PYGM: variants seen among roughly 807,000 people sequenced by gnomAD.
PYGM encodes glycogen phosphorylase, muscle associated, also known as glycogen phosphorylase, muscle form.
In PYGM, 81 loss-of-function variants were observed where a neutral mutation model predicts 99.3. The observed-to-expected ratio is 0.82, with a 90% CI of 0.68 to 0.98. PYGM has a LOEUF of 0.98. PYGM is among the 50% of genes least tolerant of loss of function. The pLI is 0.00. For synonymous variants in PYGM, 436 were observed against 451.5 expected (o/e 0.97, Z 0.44); for missense variants, 1,030 against 1,158.1 (o/e 0.89, Z 1.61).
Position 64,750,600 on chromosome 11 carries a change from G to A in PYGM, c.1970-17C>T. Reference sequence around the variant, plus strand: ...CTGGGATCACTGTGGGGTGGCAGCAGGGGGACAAGTCAACTCAGGGAAGAC... The same window carrying A: ...CTGGGATCACTGTGGGGTGGCAGCAAGGGGACAAGTCAACTCAGGGAAGAC... On this transcript the variant is annotated splice_polypyrimidine_tract_variant and intron_variant, in intron 16 of 19. Coordinates refer to ENST00000164139, the MANE Select transcript of PYGM (RefSeq NM_005609.4). The A allele has an allele frequency of 6.2e-7, 1 of 1,613,000 alleles. No homozygotes were observed. Among genetic ancestry groups the A allele is most frequent in the Non-Finnish European group, 8.5e-7 (1 of 1,179,452 alleles).
Position 64,754,662 on chromosome 11 carries a change from G to A in PYGM, c.999+31C>T, listed in dbSNP as rs2058382099. On this transcript the variant is annotated intron_variant, in intron 8 of 19. Transcript: ENST00000164139. This position sits in a 1 kb window ranked among gnomAD's most constrained non-coding sequence, Gnocchi z 5.5. ...GGAGAGGCCTAGCACACACTGTCCG[G>A]TCACAGAGTCGCCCTCCACACGCAT... 6.2e-7 allele frequency: 1 copy of A among 1,611,098 alleles called. No homozygotes were observed. The highest frequency in any genetic ancestry group is 1.1e-5 in the South Asian group (1 of 90,754).
chr11:64,750,321 A>G, intron 17 of PYGM, 55 bp downstream of exon 17: 1 of 1,598,040 alleles, frequency 6.3e-7, no homozygotes. Flanking sequence ...TCCCAGCACC[A>G]CTCTCCAGCA....
Position 64,755,634 on chromosome 11 carries a change from C to T in PYGM, c.661-76G>A. On this transcript the variant is annotated intron_variant, in intron 5 of 19. Coordinates refer to ENST00000164139, the MANE Select transcript of PYGM (RefSeq NM_005609.4). This position sits in a 1 kb window ranked among gnomAD's most constrained non-coding sequence, Gnocchi z 4.1. Reference sequence around the variant, plus strand: ...CTCCCCTCAGGGCTGGGACTCAAGGCTTTATCCCTGCACTCTGCAGACCCA... The same window carrying T: ...CTCCCCTCAGGGCTGGGACTCAAGGTTTTATCCCTGCACTCTGCAGACCCA... 8.6e-7 allele frequency: 1 copy of T among 1,164,766 alleles called. No individual in the cohort carries two copies. The allele number at this position is 1,164,766 out of a possible 1,614,324, so 72.2% of individuals were successfully genotyped here. A position where few individuals can be genotyped will look rare whatever the true frequency, so the allele number is the denominator to read the frequency against.
chr11:64,760,022 C>T (rs763272403), upstream of PYGM: 148 of 1,415,752 alleles, frequency 1.0e-4, no homozygotes, highest in Middle Eastern at 2.1e-4. Flanking sequence ...CTGGGCAGCA[C>T]GCCCCGCCTC....
rs1423059720 is a variant in PYGM, at chr11:64,750,525, G to T, written c.2028C>A (p.Gly676=). The change falls in exon 17 of 20, where the codon GGC becomes GGA. Residue 676 remains glycine (G), a synonymous_variant. Coordinates refer to ENST00000164139, the MANE Select transcript of PYGM (RefSeq NM_005609.4). ...QISTAGTEAS[G]TGNMKFMLNG... ...TGAGCATGAACTTCATGTTGCCGGT[G>T]CCTGAGGCTTCAGTGCCCGCAGTGG... is the stretch of plus-strand genomic sequence containing the variant. 2 of 1,614,100 alleles carry T rather than the reference G, an allele frequency of 1.2e-6. No individual in the cohort carries two copies. The highest frequency in any genetic ancestry group is 1.1e-5 in the South Asian group (1 of 91,092).
intron 16 of PYGM, among the ~76,000 whole-genome samples, chr11:64,750,911 G>GACGGAGTTTTGCTT (rs2058351199): frequency 6.6e-6 from 1 of 152,090 alleles, no homozygotes; most frequent in Non-Finnish European, 1.5e-5. Context: ...TGTTTTTTGA[G>GACGGAGTTTTGCTT]ACGGAGTTTT....
rs750948324 is a variant in PYGM at position 64,752,484 on chromosome 11, G to A, written c.1539C>T (p.Ile513=). Residue 513 remains isoleucine, a synonymous_variant, in exon 13 of 20, where the codon ATC becomes ATT. Coordinates refer to ENST00000164139, the MANE Select transcript of PYGM (RefSeq NM_005609.4). ...VIAERIGEDF[I]SDLDQLRKLL... ...GTTTGCGCAGCTGGTCCAGGTCAGAGATGAAGTCCTCCCCGATGCGCTATG... is the reference window on the plus strand; with the variant it reads ...GTTTGCGCAGCTGGTCCAGGTCAGAAATGAAGTCCTCCCCGATGCGCTATG... The A allele has an allele frequency of 7.4e-6, 12 of 1,614,162 alleles. No individual in the cohort carries two copies. In the Admixed American group the frequency reaches 2.0e-4, roughly 27 times the overall value.
intron 5 of PYGM, 85 bp downstream of exon 5, chr11:64,757,694 A>G: frequency 6.3e-7 from 1 of 1,586,370 alleles, no homozygotes; most frequent in East Asian, 2.3e-5. Flanking sequence ...CAGGTGTAAA[A>G]TACACTGGGT....
In PYGM at chr11:64,751,414, A is replaced by G; in HGVS notation, c.1880T>C (p.Ile627Thr). 1 of 1,614,076 alleles carries G rather than the reference A, an allele frequency of 6.2e-7. No homozygotes were observed. Among genetic ancestry groups the G allele is most frequent in the Non-Finnish European group, 8.5e-7 (1 of 1,180,022 alleles). ...CGGGTCATGGTTGACCACATCCCCG[A>G]TGGCTGTGACGAGTCTGATGATCAT... ...AKMIIRLVTA[I>T]GDVVNHDPAV... The change falls in exon 16 of 20, where the codon ATC becomes ACC. Residue 627 changes from isoleucine to threonine, a missense_variant. Coordinates refer to ENST00000164139, the MANE Select transcript of PYGM (RefSeq NM_005609.4).
chr11:64,759,596 T>C, intron 1 of PYGM, 60 bp downstream of exon 1: 2 of 1,603,676 alleles, frequency 1.2e-6, no homozygotes, highest in African/African-American at 1.3e-5. Context: ...TAAGTCAAGA[T>C]CGCCAGCTCC....
Position 64,750,356 on chromosome 11 carries a change from G to A in PYGM, c.2177+20C>T, listed in dbSNP as rs776060595. 27 of 1,613,458 alleles carry A rather than the reference G, an allele frequency of 1.7e-5. No individual in the cohort carries two copies. The Admixed American group carries it at 3.2e-4, about 19-fold the overall frequency. ...AGCCACACCTGGGTGTCTTTTGCCC[G>A]TGAACCCTGACCCCCATACCCTCTT... On this transcript the variant is annotated intron_variant, in intron 17 of 19. Coordinates refer to ENST00000164139, the MANE Select transcript of PYGM (RefSeq NM_005609.4).
In PYGM at chr11:64,751,887, G is replaced by A. The variant is rs2058358961; in HGVS notation, c.1768+37C>T. 3.1e-6 allele frequency: 5 copies of A among 1,613,354 alleles called. No individual in the cohort carries two copies. The East Asian group carries it at 1.1e-4, about 36-fold the overall frequency. On this transcript the variant is annotated intron_variant, in intron 14 of 19. Transcript: ENST00000164139. ...TGTACTATGCCGCAGGAACACGGGGGAGCACTGAGAGACAGGGTAGAGTGG... is the reference window on the plus strand; with the variant it reads ...TGTACTATGCCGCAGGAACACGGGGAAGCACTGAGAGACAGGGTAGAGTGG...
chr11:64,758,115 G>T lies in PYGM; in HGVS notation c.528+131C>A, dbSNP rs979512924. 1.7e-5 allele frequency: 23 copies of T among 1,362,960 alleles called. No individual in the cohort carries two copies. The East Asian group carries it at 3.5e-4, about 21-fold the overall frequency. The allele number at this position is 1,362,960 out of a possible 1,614,324, so 84.4% of individuals were successfully genotyped here. ...GGGGCACCAGCTGGCTTTGGGTCGG[G>T]GGGTGGGGAGCAGCAAGGATGCTTT... On this transcript the variant is annotated intron_variant, in intron 4 of 19. Coordinates refer to ENST00000164139, the MANE Select transcript of PYGM (RefSeq NM_005609.4).
rs1478106181 is a variant in PYGM, at chr11:64,758,037, G to A, written c.529-127C>T. 3 of 1,463,594 alleles carry A rather than the reference G, an allele frequency of 2.0e-6. No individual in the cohort carries two copies. In the East Asian group the frequency reaches 7.2e-5, roughly 35 times the overall value. The allele number at this position is 1,463,594 out of a possible 1,614,324, so 90.7% of individuals were successfully genotyped here. Reference sequence around the variant, plus strand: ...ACCAAGTATAAGTCAGGAGCTCTGAGGTGGGCCCCTGGTCTGCTGGGCTAT... The same window carrying A: ...ACCAAGTATAAGTCAGGAGCTCTGAAGTGGGCCCCTGGTCTGCTGGGCTAT... On this transcript the variant is annotated intron_variant, in intron 4 of 19. Coordinates refer to ENST00000164139, the MANE Select transcript of PYGM (RefSeq NM_005609.4).
chr11:64,754,291 T>C lies in PYGM; in HGVS notation c.1054A>G (p.Arg352Gly). The C allele has an allele frequency of 6.2e-7, 1 of 1,613,542 alleles. No individual in the cohort carries two copies. Among genetic ancestry groups the C allele is most frequent in the Non-Finnish European group, 8.5e-7 (1 of 1,179,768 alleles). Reference protein sequence around the residue: ...HPSLAIPELMRILVDLERMDW... With the variant: ...HPSLAIPELMGILVDLERMDW... ...ATCCGTTCCAGGTCCACCAGGATCC[T>C]CATCAGCTCGGGGATGGCCAGGGAG... The change falls in exon 9 of 20, where the codon AGG becomes GGG. Residue 352 changes from arginine (R) to glycine (G), a missense_variant. Transcript: ENST00000164139. This position sits in a 1 kb window ranked among gnomAD's most constrained non-coding sequence, Gnocchi z 5.5.
chr11:64,751,183 C>T (rs1322377111), intron 16 of PYGM, 142 bp downstream of exon 16: 28 of 1,283,340 alleles, frequency 2.2e-5, no homozygotes, highest in South Asian at 2.6e-5. Flanking sequence ...TGGGCCACTG[C>T]GCCTGGCCTC....
chr11:64,759,591 CAA>C (rs2135842205), intron 1 of PYGM, 63 bp downstream of exon 1: 3 of 1,602,232 alleles, frequency 1.9e-6, no homozygotes, highest in Non-Finnish European at 2.5e-6. Flanking sequence ...CCACTTAAGT[CAA>C]GATCGCCAGC....
Position 64,754,726 on chromosome 11 carries a change from G to A in PYGM, c.966C>T (p.Pro322=), listed in dbSNP as rs377041639. ...GGAAGGCATCGAAGTTCGTGCGCAC[G>A]GGATCACGGCAGCCGAACTTGGAAG... ...FKSSKFGCRD[P]VRTNFDAFPD... The change falls in exon 8 of 20, where the codon CCC becomes CCT. Residue 322 remains proline (P), a synonymous_variant. Transcript: ENST00000164139. This position sits in a 1 kb window ranked among gnomAD's most constrained non-coding sequence, Gnocchi z 5.5. 20 of 1,613,674 alleles carry A rather than the reference G, an allele frequency of 1.2e-5. No homozygotes were observed. The highest frequency in any genetic ancestry group is 6.7e-5 in the Admixed American group (4 of 59,990).
intron 5 of PYGM, among the ~76,000 whole-genome samples, chr11:64,757,259 T>C (rs916281059): frequency 6.6e-6 from 1 of 152,142 alleles, no homozygotes; most frequent in African/African-American, 2.4e-5. Context: ...GGTCTCTCTA[T>C]GTTGCCCAGG....
Sources: allele counts gnomAD v4.1 joint callset (sites outside exome capture counted in the v4.1 genomes callset), GRCh38; gene constraint gnomAD v4.1.1; non-coding constraint Gnocchi (gnomAD v3.1); transcripts MANE v1.5; gene names NCBI Gene and HGNC (gene_info 2026-07-23, HGNC 2026-07-21).